GRIP1: variants seen among roughly 807,000 people sequenced by gnomAD.
The protein encoded by GRIP1 is glutamate receptor-interacting protein 1.
In GRIP1, 45 loss-of-function variants were observed where a neutral mutation model predicts 129.9. The ratio of observed to expected loss-of-function variants is 0.35; its 90% CI spans 0.27 to 0.44. GRIP1 has a LOEUF of 0.44. GRIP1 is among the 20% of genes least tolerant of loss of function. The pLI is 1.00. For missense variants in GRIP1, 1,196 were observed against 1,396.8 expected, an observed-to-expected ratio of 0.86 and a Z score of 2.29; for synonymous variants, 530 against 520.8, an observed-to-expected ratio of 1.02 and a Z score of -0.24.
intron 1 of GRIP1, among the ~76,000 whole-genome samples, chr12:66,632,748 G>A (rs558060862): frequency 1.3e-5 from 2 of 152,084 alleles, no homozygotes; most frequent in Admixed American, 6.5e-5. Flanking sequence ...CAATTTTGAG[G>A]GATTTCAAGA....
intron 2 of GRIP1, among the ~76,000 whole-genome samples, chr12:66,579,141 G>C (rs1251535254): frequency 6.6e-6 from 1 of 152,170 alleles, no homozygotes; most frequent in African/African-American, 2.4e-5. Flanking sequence ...CTGATACCCA[G>C]GCAAACAGGG....
chr12:66,449,898 A>AT (rs373374897), intron 11 of GRIP1, among the ~76,000 whole-genome samples: 84 of 151,578 alleles, frequency 5.5e-4, no homozygotes, highest in Admixed American at 5.9e-4. Flanking sequence ...GTTCATATTA[A>AT]TTTTTTTTTC....
At chr12:66,696,475 A>G (rs2035161757) in intron 1 of GRIP1, among the ~76,000 whole-genome samples, 1 of 152,098 alleles carries the variant, frequency 6.6e-6, no homozygotes, top group Non-Finnish European at 1.5e-5. Flanking sequence ...ACTCAGCATG[A>G]AAAAGAAATT....
chr12:66,527,227 G>A (rs867708685), intron 5 of GRIP1, among the ~76,000 whole-genome samples: 3,412 of 150,410 alleles, frequency 0.023, 114 homozygotes, highest in African/African-American at 0.079. Flanking sequence ...ACATGCACAC[G>A]TATGTTTATT....
intron 1 of GRIP1, among the ~76,000 whole-genome samples, chr12:66,867,810 G>C (rs1029390954): frequency 6.6e-6 from 1 of 152,132 alleles, no homozygotes; most frequent in African/African-American, 2.4e-5. Flanking sequence ...ACTTTCTGTA[G>C]GGTTATGAGT....
intron 1 of GRIP1, among the ~76,000 whole-genome samples, chr12:67,043,042 A>G (rs919347988): frequency 6.6e-6 from 1 of 152,112 alleles, no homozygotes; most frequent in Non-Finnish European, 1.5e-5. Context: ...AATGGCCTGG[A>G]GAGTGTGAGT....
At chr12:66,513,401 G>A (rs1002938036) in intron 7 of GRIP1, among the ~76,000 whole-genome samples, 1 of 151,954 alleles carries the variant, frequency 6.6e-6, no homozygotes, top group African/African-American at 2.4e-5. Flanking sequence ...AATTAAATTT[G>A]TTGATACATT....
rs1184954766 is a variant in GRIP1, at chr12:66,827,382, G to A, written c.59-230455C>T. 3.5e-5 allele frequency among the ~76,000 whole-genome samples: 4 copies of A among 113,674 alleles called. No homozygotes were observed. In the East Asian group the frequency reaches 1.2e-3, roughly 33 times the overall value. The allele number at this position is 113,674 out of a possible 152,430, so 74.6% of individuals were successfully genotyped here. A position where few individuals can be genotyped will look rare whatever the true frequency, so the allele number is the denominator to read the frequency against. On this transcript the variant is annotated intron_variant, in intron 1 of 1. Coordinates refer to the GRIP1 transcript ENST00000643019. Reference sequence around the variant, plus strand: ...AAACCAGGTGTGTGTGTGTGTGTGTGTGTGTGAGAGAGAGAGAGAGAGAGA... The same window carrying A: ...AAACCAGGTGTGTGTGTGTGTGTGTATGTGTGAGAGAGAGAGAGAGAGAGA...
chr12:66,520,430 G>A (rs1243520144), intron 5 of GRIP1, among the ~76,000 whole-genome samples: 1 of 152,162 alleles, frequency 6.6e-6, no homozygotes, highest in Admixed American at 6.5e-5. Flanking sequence ...AACATATTAA[G>A]GGAGTTATTA....
At chr12:66,415,908 G>A (rs2057583256) in intron 15 of GRIP1, among the ~76,000 whole-genome samples, 2 of 152,122 alleles carry the variant, frequency 1.3e-5, no homozygotes, top group Admixed American at 1.3e-4. Context: ...AACATACACT[G>A]GGGCCTGTCA....
chr12:66,648,202 CT>C (rs11320802), intron 1 of GRIP1, among the ~76,000 whole-genome samples: 113,822 of 152,022 alleles, frequency 0.75, 42,832 homozygotes, highest in East Asian at 0.9. Flanking sequence ...CCGCTCCTGG[CT>C]TGTGGCTCAT....
intron 7 of GRIP1, among the ~76,000 whole-genome samples, chr12:66,479,892 A>G (rs2059748542): frequency 6.6e-6 from 1 of 152,198 alleles, no homozygotes; most frequent in Non-Finnish European, 1.5e-5. Flanking sequence ...AAAACTCTCA[A>G]TAAACTAGGT....
chr12:66,909,910 T>C (rs2041000836), intron 1 of GRIP1, among the ~76,000 whole-genome samples: 1 of 152,222 alleles, frequency 6.6e-6, no homozygotes, highest in African/African-American at 2.4e-5. Context: ...AGGCCTTTCA[T>C]GCTATTTTGG....
intron 1 of GRIP1, among the ~76,000 whole-genome samples, chr12:66,878,669 G>T (rs1445206030): frequency 1.3e-5 from 2 of 152,046 alleles, no homozygotes. Context: ...AGGCAGCAGG[G>T]AAATAGCAGA....
chr12:66,791,223 A>G (rs1404997556), intron 1 of GRIP1, among the ~76,000 whole-genome samples: 1 of 152,156 alleles, frequency 6.6e-6, no homozygotes, highest in Non-Finnish European at 1.5e-5. Flanking sequence ...AAGTTTTTGT[A>G]AAAGATATTT....
At chr12:66,520,849 T>G (rs2060979712) in intron 5 of GRIP1, among the ~76,000 whole-genome samples, 1 of 152,236 alleles carries the variant, frequency 6.6e-6, no homozygotes, top group African/African-American at 2.4e-5. Flanking sequence ...TATATTTTGG[T>G]ACAGTGTTTC....
chr12:67,047,205 A>G (rs907824730), intron 1 of GRIP1, among the ~76,000 whole-genome samples: 2 of 152,198 alleles, frequency 1.3e-5, no homozygotes, highest in African/African-American at 2.4e-5. Context: ...TTGCTTGGAT[A>G]TAAGTTCCAA....
chr12:66,939,779 T>C (rs932163379), intron 1 of GRIP1, among the ~76,000 whole-genome samples: 10 of 152,204 alleles, frequency 6.6e-5, no homozygotes, highest in Non-Finnish European at 4.4e-5. Flanking sequence ...TGTATTCCAC[T>C]ACCTCTCATT....
chr12:66,472,571 G>A (rs12581129), intron 7 of GRIP1, among the ~76,000 whole-genome samples: 6 of 151,960 alleles, frequency 3.9e-5, no homozygotes, highest in Admixed American at 1.3e-4. Context: ...TCTGCAGCTC[G>A]CAGCAAGATC....
Sources: allele counts gnomAD v4.1 joint callset (sites outside exome capture counted in the v4.1 genomes callset), GRCh38; gene constraint gnomAD v4.1.1; transcripts MANE v1.5; gene names NCBI Gene and HGNC (gene_info 2026-07-23, HGNC 2026-07-21).